The following CC2D2A variants were observed in gnomAD, a reference collection of about 807,000 sequenced individuals.
The protein encoded by CC2D2A is coiled-coil and C2 domain containing 2A, also known as coiled-coil and C2 domain-containing protein 2A.
In CC2D2A, 155 loss-of-function variants were observed where a neutral mutation model predicts 212.9. The observed-to-expected ratio is 0.73, with a 90% CI of 0.64 to 0.83. The LOEUF (loss-of-function observed/expected upper bound fraction) is 0.83. CC2D2A is among the 40% of genes least tolerant of loss of function. CC2D2A has a pLI of 0.00. For missense variants in CC2D2A, 1,856 were observed against 1,956.2 expected (o/e 0.95, Z 0.97); for synonymous variants, 667 against 686.5 (o/e 0.97, Z 0.44).
chr4:15,591,516 G>C (rs1410808377), intron 33 of CC2D2A, among the ~76,000 whole-genome samples: 1 of 152,136 alleles, frequency 6.6e-6, no homozygotes, highest in South Asian at 2.1e-4. Context: ...ACCGTGCCCA[G>C]CCCCATCAAC....
chr4:15,507,563 CCTTGTCACCCT>C (rs1247496820), intron 6 of CC2D2A, among the ~76,000 whole-genome samples: 1 of 152,186 alleles, frequency 6.6e-6, no homozygotes, highest in Non-Finnish European at 1.5e-5. Context: ...GGGGACACTT[CCTTGTCACCCT>C]CTGAAAGTTC....
chr4:15,491,865 A>C (rs1288881043), intron 4 of CC2D2A, among the ~76,000 whole-genome samples: 2 of 152,196 alleles, frequency 1.3e-5, no homozygotes, highest in African/African-American at 4.8e-5. Flanking sequence ...GTGTCTTTGA[A>C]GTACAAAAGT....
At chr4:15,484,780 T>C (rs1714904938) in intron 4 of CC2D2A, among the ~76,000 whole-genome samples, 1 of 152,100 alleles carries the variant, frequency 6.6e-6, no homozygotes, top group Non-Finnish European at 1.5e-5. Context: ...AAGGTAGAAA[T>C]TGAATGGACA....
At chr4:15,492,425 A>G (rs1715353713) in intron 4 of CC2D2A, among the ~76,000 whole-genome samples, 1 of 152,136 alleles carries the variant, frequency 6.6e-6, no homozygotes, top group Non-Finnish European at 1.5e-5. Context: ...ATGAAAATAT[A>G]GTTACATCAC....
At chr4:15,585,526 T>C (rs1343600068) in intron 30 of CC2D2A, among the ~76,000 whole-genome samples, 1 of 152,080 alleles carries the variant, frequency 6.6e-6, no homozygotes, top group Admixed American at 6.5e-5. Flanking sequence ...GTTCAACAGG[T>C]GCAAAGTTAC....
chr4:15,557,643 C>CAT, intron 21 of CC2D2A, 136 bp downstream of exon 21: 1 of 546,506 alleles, frequency 1.8e-6, no homozygotes, highest in Non-Finnish European at 3.1e-6. Context: ...CACTTTTATA[C>CAT]ATAACCTTTC....
chr4:15,548,348 C>T (rs1342481035), intron 17 of CC2D2A, among the ~76,000 whole-genome samples: 6 of 152,000 alleles, frequency 3.9e-5, no homozygotes, highest in South Asian at 2.1e-4. Flanking sequence ...CTTCCACTGA[C>T]GTCCTCAGAA....
At position 15,553,161 on chromosome 4, in the gene CC2D2A, T is replaced by G; in HGVS notation, c.2342T>G (p.Val781Gly). 1 of 1,598,942 alleles carries G rather than the reference T, an allele frequency of 6.3e-7. No individual in the cohort carries two copies. The highest frequency in any genetic ancestry group is 8.5e-7 in the Non-Finnish European group (1 of 1,174,430). Residue 781 changes from valine (V) to glycine (G), a missense_variant, in exon 19 of 37, where the codon GTG becomes GGG. Val to Gly is a moderately radical substitution (Grantham distance 109). Transcript: ENST00000424120. ...TLDHEGVGSG[V>G]PFSFEADGSN... ...GTTTAATCTGGTGTTTCCCCAGGAG[T>G]GCCCTTCTCATTTGAAGCTGATGGC...
intron 26 of CC2D2A, 97 bp from the exon 27 acceptor site, chr4:15,569,196 T>A (rs1720040026): frequency 1.5e-6 from 1 of 679,448 alleles, no homozygotes; most frequent in Non-Finnish European, 2.7e-6. Context: ...CTAACATCTA[T>A]GCTCATATTT....
chr4:15,476,118 C>G (rs1286858709), intron 2 of CC2D2A, 147 bp downstream of exon 2: 2 of 697,070 alleles, frequency 2.9e-6, no homozygotes, highest in African/African-American at 3.6e-5. Flanking sequence ...TCAACAGAGT[C>G]TAATTGTACA....
At chr4:15,516,808 C>G (rs963395629) in intron 11 of CC2D2A, 52 bp downstream of exon 11, 3 of 1,570,038 alleles carry the variant, frequency 1.9e-6, no homozygotes, top group Non-Finnish European at 2.6e-6. Flanking sequence ...AAGTGCTTTG[C>G]TTTCTGAATA....
At position 15,515,864 on chromosome 4, in the gene CC2D2A, C is replaced by T; in HGVS notation, c.881-4C>T. The T allele has an allele frequency of 6.4e-7, 1 of 1,550,784 alleles. No individual in the cohort carries two copies. Among genetic ancestry groups the T allele is most frequent in the Non-Finnish European group, 8.7e-7 (1 of 1,146,362 alleles). ...TTTATTTTATTTATTTATAAACGAT[C>T]TAGTCCCTACATATAAAAAGCTTCC... On this transcript the variant is annotated splice_polypyrimidine_tract_variant and splice_region_variant and intron_variant, in intron 9 of 36. Transcript: ENST00000424120.
intron 33 of CC2D2A, 121 bp downstream of exon 33, chr4:15,589,800 C>CACATATATATATATATATAT (rs1553844304): frequency 3.2e-6 from 1 of 308,734 alleles, no homozygotes; most frequent in African/African-American, 2.3e-5. Flanking sequence ...TATATATATA[C>CACATATATATATATATATAT]ACACATATAT....
intron 34 of CC2D2A, 141 bp from the exon 35 acceptor site, chr4:15,597,266 G>A: frequency 1.5e-6 from 1 of 682,272 alleles, no homozygotes; most frequent in South Asian, 1.7e-5. Context: ...CTTTTGGTGG[G>A]TCATGGGTAC....
intron 13 of CC2D2A, among the ~76,000 whole-genome samples, chr4:15,528,983 A>G (rs545990368): frequency 6.6e-6 from 1 of 152,326 alleles, no homozygotes; most frequent in South Asian, 2.1e-4. Context: ...CTTGGCCCCA[A>G]CTCATAGAAT....
intron 16 of CC2D2A, among the ~76,000 whole-genome samples, chr4:15,539,597 T>C (rs1252240613): frequency 6.6e-6 from 1 of 152,232 alleles, no homozygotes; most frequent in Non-Finnish European, 1.5e-5. Flanking sequence ...TTTTTGTGCA[T>C]TTTCATGTGT....
chr4:15,492,766 T>C, intron 4 of CC2D2A: 1 of 757,732 alleles, frequency 1.3e-6, no homozygotes, highest in Non-Finnish European at 2.3e-6. Flanking sequence ...CACCACTCTA[T>C]TGCTATAGCC....
chr4:15,567,248 A>G (rs1040073843), intron 24 of CC2D2A, 129 bp from the exon 25 acceptor site: 4 of 683,582 alleles, frequency 5.9e-6, no homozygotes, highest in Non-Finnish European at 1.0e-5. Context: ...GCACCAGCCG[A>G]GATCATGCCA....
intron 33 of CC2D2A, among the ~76,000 whole-genome samples, chr4:15,593,149 G>C (rs1234287494): frequency 6.6e-6 from 1 of 152,170 alleles, no homozygotes; most frequent in African/African-American, 2.4e-5. Flanking sequence ...GGCTCAGAAA[G>C]TACGAGGGGA....
Sources: gnomAD v4.1 joint callset for allele counts (sites outside exome capture counted in the v4.1 genomes callset) on GRCh38, gnomAD v4.1.1 for gene constraint, MANE v1.5 for transcripts, NCBI Gene and HGNC (gene_info 2026-07-23, HGNC 2026-07-21) for gene names.